The following VLDLR variants were observed in gnomAD, a reference collection of about 807,000 sequenced individuals.
The protein encoded by VLDLR is very low-density lipoprotein receptor.
Under a neutral mutation model 112.7 loss-of-function variants are expected in VLDLR, and 81 were observed. The observed-to-expected ratio is 0.72, with a 90% CI of 0.60 to 0.86. The LOEUF is 0.86. Ranked by LOEUF, VLDLR falls within the 40% of genes least tolerant of loss-of-function variation. VLDLR has a pLI of 0.00. For synonymous variants in VLDLR, 436 were observed against 384.8 expected, an observed-to-expected ratio of 1.13 and a Z score of -1.56; for missense variants, 1,237 against 1,099.4, an observed-to-expected ratio of 1.13 and a Z score of -1.77.
chr9:2,653,716 C>T (rs769807377), intron 18 of VLDLR, 117 bp from the exon 19 acceptor site: 145 of 1,060,868 alleles, frequency 1.4e-4, no homozygotes, highest in Non-Finnish European at 2.0e-4. Flanking sequence ...ACTGACTTTT[C>T]TTCTAAGCAC....
At chr9:2,647,628 C>T (rs764134294) in intron 12 of VLDLR, 36 bp downstream of exon 12, 1 of 1,534,662 alleles carries the variant, frequency 6.5e-7, no homozygotes, top group Admixed American at 1.7e-5. Context: ...ACCCACTCAA[C>T]TATCTTCATA....
chr9:2,652,599 T>A (rs553943454), intron 17 of VLDLR, among the ~76,000 whole-genome samples, 181 bp from the exon 18 acceptor site: 9 of 152,342 alleles, frequency 5.9e-5, no homozygotes, highest in African/African-American at 1.7e-4. Context: ...CAGAGCTACC[T>A]CTGGGCTGAA....
At chr9:2,652,029 C>T (rs1319451843) in intron 17 of VLDLR, 75 bp downstream of exon 17, 6 of 1,413,146 alleles carry the variant, frequency 4.2e-6, no homozygotes, top group African/African-American at 1.4e-5. Context: ...TCATCTGGAG[C>T]TACCCCTTTC....
At position 2,650,640 on chromosome 9, in the gene VLDLR, C is replaced by T. The variant is rs1007841815; in HGVS notation, c.2251+124C>T. On this transcript the variant is annotated intron_variant, in intron 15 of 18. Coordinates refer to ENST00000382100, the MANE Select transcript of VLDLR (RefSeq NM_003383.5). ...TTGAATAGATTTGAGAAGATATCTG[C>T]TATTGTATGCCGGGTTATCATGTCA... The T allele has an allele frequency of 5.3e-6, 7 of 1,326,444 alleles. No individual in the cohort carries two copies. In the Admixed American group the frequency reaches 7.8e-5, roughly 15 times the overall value. 82.2% of individuals were successfully genotyped at this position (1,326,444 alleles called of 1,614,324 possible).
At chr9:2,631,119 A>G (rs1345571430) in intron 1 of VLDLR, among the ~76,000 whole-genome samples, 1 of 152,262 alleles carries the variant, frequency 6.6e-6, no homozygotes, top group South Asian at 2.1e-4. Context: ...ATGACATATA[A>G]TCTTATACCA....
At chr9:2,652,642 A>C in intron 17 of VLDLR, 138 bp from the exon 18 acceptor site, 1 of 1,211,838 alleles carries the variant, frequency 8.3e-7, no homozygotes, top group South Asian at 1.4e-5. Context: ...TGTGTATTCC[A>C]ACTTCTAGTT....
chr9:2,633,360 A>G (rs1000126333), intron 1 of VLDLR, among the ~76,000 whole-genome samples: 1 of 152,122 alleles, frequency 6.6e-6, no homozygotes, highest in Non-Finnish European at 1.5e-5. Flanking sequence ...TAGAGTAAAT[A>G]TCAGCCTTGG....
chr9:2,648,086 C>A, intron 12 of VLDLR, 122 bp from the exon 13 acceptor site: 1 of 1,365,316 alleles, frequency 7.3e-7, no homozygotes, highest in Non-Finnish European at 1.0e-6. Context: ...TTATGGTGAC[C>A]CCGTTAAGAA....
chr9:2,644,058 T>G, intron 7 of VLDLR, 99 bp downstream of exon 7: 2 of 1,565,922 alleles, frequency 1.3e-6, no homozygotes, highest in Non-Finnish European at 1.7e-6. Flanking sequence ...GTTAAACTTT[T>G]GAATGTACTG....
rs1297728160 is a variant in VLDLR, at chr9:2,655,626, G to C, written c.*1758G>C. 6.6e-6 allele frequency: 1 copy of C among 152,114 alleles called. No homozygotes were observed. Among genetic ancestry groups the C allele is most frequent in the Non-Finnish European group, 1.5e-5 (1 of 68,028 alleles). The allele number at this position is 152,114 out of a possible 1,614,324, so 9.4% of individuals were successfully genotyped here. Reference sequence around the variant, plus strand: ...ATTAATCCTACTAGATGAAGGGGAAGTTGGTTCTGTTGTCTTAAGGGATGC... The same window carrying C: ...ATTAATCCTACTAGATGAAGGGGAACTTGGTTCTGTTGTCTTAAGGGATGC... On this transcript the variant is annotated 3_prime_UTR_variant, in exon 19 of 19. Transcript: ENST00000382100.
At chr9:2,625,102 G>C (rs1026885753) in intron 1 of VLDLR, among the ~76,000 whole-genome samples, 1 of 152,192 alleles carries the variant, frequency 6.6e-6, no homozygotes, top group Non-Finnish European at 1.5e-5. Flanking sequence ...ATGCTCAAAA[G>C]AAGTGAAGAC....
chr9:2,646,089 C>T (rs1818055587), intron 10 of VLDLR, among the ~76,000 whole-genome samples: 1 of 151,758 alleles, frequency 6.6e-6, no homozygotes. Flanking sequence ...GATACTGAAA[C>T]AAATAGCTTC....
rs971883887 is a variant in VLDLR at position 2,659,654 on chromosome 9, G to C, written c.*5786G>C. On this transcript the variant is annotated 3_prime_UTR_variant, in exon 19 of 19. Transcript: ENST00000382100. ...TTAAGTTTCAAGGCTCTCCTATAGG[G>C]AGAAACATGGCCAAAAAGACAGGAA... 4 of 152,192 alleles carry C rather than the reference G, an allele frequency of 2.6e-5. No homozygotes were observed. The highest frequency in any genetic ancestry group is 9.7e-5 in the African/African-American group (4 of 41,448). 9.4% of individuals were successfully genotyped at this position (152,192 alleles called of 1,614,324 possible). A position where few individuals can be genotyped will look rare whatever the true frequency, so the allele number is the denominator to read the frequency against.
At chr9:2,645,116 C>T in intron 9 of VLDLR, 34 bp downstream of exon 9, 1 of 1,613,644 alleles carries the variant, frequency 6.2e-7, no homozygotes, top group East Asian at 2.2e-5. Flanking sequence ...GCTGTTGTAC[C>T]TTTATGAGTA....
chr9:2,627,825 A>G (rs924062939), intron 1 of VLDLR, among the ~76,000 whole-genome samples: 2 of 150,702 alleles, frequency 1.3e-5, no homozygotes, highest in African/African-American at 4.9e-5. Context: ...AGATAACGCC[A>G]CTGCACTCCA....
chr9:2,641,585 G>T, intron 4 of VLDLR, 86 bp downstream of exon 4: 1 of 1,594,280 alleles, frequency 6.3e-7, no homozygotes. Flanking sequence ...TAAGCCTGAA[G>T]ACGCACTGAC....
chr9:2,627,443 T>C (rs1354205284), intron 1 of VLDLR, among the ~76,000 whole-genome samples: 6 of 152,186 alleles, frequency 3.9e-5, no homozygotes, highest in African/African-American at 1.4e-4. Flanking sequence ...CTTTACCAGT[T>C]AGCCGCTGCT....
intron 1 of VLDLR, among the ~76,000 whole-genome samples, chr9:2,628,363 C>T (rs989620387): frequency 6.6e-6 from 1 of 152,154 alleles, no homozygotes; most frequent in African/African-American, 2.4e-5. Context: ...GCAACATGAA[C>T]AAACTGAGAC....
intron 10 of VLDLR, 107 bp from the exon 11 acceptor site, chr9:2,646,227 G>T: frequency 1.9e-6 from 2 of 1,046,734 alleles, no homozygotes; most frequent in Non-Finnish European, 2.9e-6. Flanking sequence ...GTGTTAACTG[G>T]ATTTCTTTCT....
Sources: allele counts gnomAD v4.1 joint callset (sites outside exome capture counted in the v4.1 genomes callset), GRCh38; gene constraint gnomAD v4.1.1; transcripts MANE v1.5; gene names NCBI Gene and HGNC (gene_info 2026-07-23, HGNC 2026-07-21).